Variants in XRN1 observed in about 807,000 individuals in gnomAD.
The protein encoded by XRN1 is 5'-3' exoribonuclease 1.
Under a neutral mutation model 222.3 loss-of-function variants are expected in XRN1, and 67 were observed. That is an observed-to-expected ratio of 0.30 (90% CI 0.25 to 0.37). The LOEUF (loss-of-function observed/expected upper bound fraction) is 0.37, where lower values mean the gene tolerates loss of function less well. XRN1 is among the 10% of genes least tolerant of loss of function. The probability of loss-of-function intolerance (pLI) is 1.00; values close to 1 mark genes in which losing one functional copy is unlikely to be tolerated. For synonymous variants in XRN1, 643 were observed against 652.4 expected (o/e 0.99, Z 0.22); for missense variants, 1,707 against 2,000.2 (o/e 0.85, Z 2.80).
At chr3:142,409,154 T>C (rs190517722) in intron 15 of XRN1, among the ~76,000 whole-genome samples, 72 of 152,348 alleles carry the variant, frequency 4.7e-4, no homozygotes, top group African/African-American at 1.6e-3. Context: ...TTATCTACTC[T>C]TTTTTAAATA....
At chr3:142,423,792 AGGTAAT>A (rs2069135273) in intron 5 of XRN1, 150 bp from the exon 6 acceptor site, 2 of 607,042 alleles carry the variant, frequency 3.3e-6, no homozygotes, top group Non-Finnish European at 5.4e-6. Context: ...ATCTATTTGT[AGGTAAT>A]GAATGAGATA....
At chr3:142,328,703 TTATA>T (rs67278209) in intron 37 of XRN1, among the ~76,000 whole-genome samples, 3 of 47,174 alleles carry the variant, frequency 6.4e-5, no homozygotes, top group Non-Finnish European at 1.5e-4. Flanking sequence ...ACTTGTAATA[TTATA>T]TATATATATA....
intron 33 of XRN1, among the ~76,000 whole-genome samples, chr3:142,336,792 A>T (rs1440871424): frequency 6.6e-6 from 1 of 152,210 alleles, no homozygotes; most frequent in Non-Finnish European, 1.5e-5. Context: ...ACATAACTCA[A>T]ATAGTTTACA....
intron 20 of XRN1, among the ~76,000 whole-genome samples, chr3:142,387,940 T>A (rs1165826161): frequency 6.6e-6 from 1 of 152,200 alleles, no homozygotes; most frequent in Admixed American, 6.5e-5. Context: ...TTCCTCTTTG[T>A]CTTCTGCTAT....
chr3:142,318,834 T>C lies in XRN1; in HGVS notation c.4474A>G (p.Asn1492Asp). The C allele has an allele frequency of 1.2e-6, 2 of 1,614,006 alleles. No individual in the cohort carries two copies. The highest frequency in any genetic ancestry group is 4.5e-5 in the East Asian group (2 of 44,866). ...LVHGPQCHSENEAKEKAALFA... is the reference protein window; with the variant it reads ...LVHGPQCHSEDEAKEKAALFA... ...AGTGCAGCTTTCTCTTTGGCTTCAT[T>C]TTCAGAGTGGCACTGTGGCCCATGT... The change falls in exon 38 of 41, where the codon AAT becomes GAT. Residue 1492 changes from asparagine (N) to aspartate (D), a missense_variant. Physicochemically the swap from Asn to Asp is conservative, Grantham distance 23. Transcript: ENST00000392981.
intron 23 of XRN1, among the ~76,000 whole-genome samples, chr3:142,378,782 CAGG>C (rs1030391304): frequency 6.6e-6 from 1 of 151,960 alleles, no homozygotes; most frequent in African/African-American, 2.4e-5. Context: ...AAGAGCTGAA[CAGG>C]AGAAGGGAAG....
chr3:142,431,914 AT>A (rs1262206906), intron 2 of XRN1, among the ~76,000 whole-genome samples: 6 of 32,144 alleles, frequency 1.9e-4, no homozygotes, highest in South Asian at 5.3e-4. Context: ...ATATATATAA[AT>A]ATATATAATA....
At chr3:142,357,231 C>T in intron 30 of XRN1, 112 bp from the exon 31 acceptor site, 1 of 955,494 alleles carries the variant, frequency 1.0e-6, no homozygotes, top group Non-Finnish European at 1.6e-6. Flanking sequence ...GTAAATATTA[C>T]TTTTTAATTC....
Position 142,370,570 on chromosome 3 carries a change from C to T in XRN1, c.3119G>A (p.Ser1040Asn), listed in dbSNP as rs755901064. 1 of 1,604,562 alleles carries T rather than the reference C, an allele frequency of 6.2e-7. No individual in the cohort carries two copies. The highest frequency in any genetic ancestry group is 8.5e-7 in the Non-Finnish European group (1 of 1,176,744). ...IITWLKGHPV[S>N]TLSRSSCDLQ... is the part of the protein sequence containing the mutation. ...ATCACAAGAAGAACGAGATAAAGTA[C>T]TGACAGGATGTCCTTTTAGCCAAGT... is the stretch of plus-strand genomic sequence containing the variant. The change falls in exon 27 of 41, where the codon AGT (serine) becomes AAT (asparagine). Residue 1040 changes from serine (S) to asparagine (N), a missense_variant. Coordinates refer to ENST00000392981, the MANE Select transcript of XRN1 (RefSeq NM_001282857.2).
chr3:142,370,985 A>G (rs1328654972), intron 26 of XRN1, among the ~76,000 whole-genome samples: 2 of 152,116 alleles, frequency 1.3e-5, no homozygotes, highest in African/African-American at 2.4e-5. Flanking sequence ...AAAAAAAAAA[A>G]TTAGTCAAAT....
intron 32 of XRN1, among the ~76,000 whole-genome samples, chr3:142,351,288 C>T (rs1299106021): frequency 6.6e-6 from 1 of 152,018 alleles, no homozygotes; most frequent in Non-Finnish European, 1.5e-5. Flanking sequence ...GAAACAACAG[C>T]CAATGAGACA....
intron 39 of XRN1, among the ~76,000 whole-genome samples, chr3:142,318,215 C>CT (rs1382802602): frequency 6.6e-6 from 1 of 152,132 alleles, no homozygotes; most frequent in East Asian, 1.9e-4. Context: ...AATCTCAGAA[C>CT]TTAAGATTTA....
intron 15 of XRN1, 54 bp from the exon 16 acceptor site, chr3:142,405,130 A>C: frequency 2.2e-4 from 332 of 1,535,494 alleles, no homozygotes; most frequent in Non-Finnish European, 2.8e-4. Flanking sequence ...CCATAATCTC[A>C]ACAAACAGAA....
At chr3:142,358,542 A>C (rs1177105519) in intron 30 of XRN1, among the ~76,000 whole-genome samples, 1 of 152,210 alleles carries the variant, frequency 6.6e-6, no homozygotes, top group African/African-American at 2.4e-5. Flanking sequence ...GCAGGCAGGT[A>C]ATCTTTTACC....
intron 22 of XRN1, among the ~76,000 whole-genome samples, chr3:142,381,988 G>GTTAT (rs1352775248): frequency 6.6e-6 from 1 of 152,114 alleles, no homozygotes; most frequent in Admixed American, 6.5e-5. Flanking sequence ...ACATAATTAG[G>GTTAT]TTATGGTAGT....
intron 33 of XRN1, among the ~76,000 whole-genome samples, chr3:142,340,918 C>T (rs764360312): frequency 6.6e-5 from 10 of 152,052 alleles, no homozygotes; most frequent in Admixed American, 1.3e-4. Context: ...ACAAGAAATG[C>T]TAAAGGGAGT....
intron 20 of XRN1, among the ~76,000 whole-genome samples, chr3:142,388,376 T>C (rs1290284691): frequency 1.3e-5 from 2 of 152,252 alleles, no homozygotes; most frequent in Non-Finnish European, 1.5e-5. Context: ...CAACTACTTA[T>C]GTTATCGGCA....
intron 2 of XRN1, among the ~76,000 whole-genome samples, chr3:142,432,418 C>T (rs958798858): frequency 6.6e-6 from 1 of 150,502 alleles, no homozygotes; most frequent in Non-Finnish European, 1.5e-5. Flanking sequence ...GAGATTCTGT[C>T]TCAACAAACA....
intron 11 of XRN1, 44 bp downstream of exon 11, chr3:142,418,771 C>G (rs1422625709): frequency 6.3e-7 from 1 of 1,590,114 alleles, no homozygotes; most frequent in Non-Finnish European, 8.6e-7. Context: ...TAACAATTAT[C>G]CTGTCAAAGT....
Sources: gnomAD v4.1 joint callset for allele counts (sites outside exome capture counted in the v4.1 genomes callset) on GRCh38, gnomAD v4.1.1 for gene constraint, MANE v1.5 for transcripts, NCBI Gene and HGNC (gene_info 2026-07-23, HGNC 2026-07-21) for gene names.